The following SP110 variants were observed in gnomAD, a reference collection of about 807,000 sequenced individuals.
SP110 encodes the protein interferon-induced protein 41, 30kD.
SP110 carries 62 observed loss-of-function variants against 92.7 expected under a neutral mutation model. That is an observed-to-expected ratio of 0.67 (90% CI 0.55 to 0.83). The LOEUF (loss-of-function observed/expected upper bound fraction) is 0.83, where lower values mean the gene tolerates loss of function less well. Ranked by LOEUF, SP110 falls within the 40% of genes least tolerant of loss-of-function variation. The pLI, the probability that SP110 is intolerant of heterozygous loss-of-function variation, is 0.00. For synonymous variants in SP110, 273 were observed against 305.3 expected, an observed-to-expected ratio of 0.89 and a Z score of 1.10; for missense variants, 793 against 863.9, an observed-to-expected ratio of 0.92 and a Z score of 1.03.
upstream of SP110, among the ~76,000 whole-genome samples, chr2:230,224,477 G>C (rs147113293): frequency 2.8e-3 from 421 of 149,846 alleles, 1 homozygote; most frequent in Non-Finnish European, 3.6e-3. Context: ...GAGGGAGGGA[G>C]AGAGAGGGAG....
At position 230,212,399 on chromosome 2, in the gene SP110, A is replaced by G; in HGVS notation, c.615T>C (p.Asn205=). 1 of 1,612,922 alleles carries G rather than the reference A, an allele frequency of 6.2e-7. No homozygotes were observed. Among genetic ancestry groups the G allele is most frequent in the Non-Finnish European group, 8.5e-7 (1 of 1,178,846 alleles). The change falls in exon 5 of 19, where the codon AAT becomes AAC. Residue 205 remains asparagine, a synonymous_variant. Coordinates refer to ENST00000258381, the MANE Select transcript of SP110 (RefSeq NM_080424.4). Reference sequence around the variant, plus strand: ...GCATCTCTTCTGAGTCTTCTTCCGCATTCATTTTGGATGTTAACTTGTCAT... The same window carrying G: ...GCATCTCTTCTGAGTCTTCTTCCGCGTTCATTTTGGATGTTAACTTGTCAT... The part of the protein sequence containing the change: ...VTNDKLTSKM[N]AEEDSEEMPS...
upstream of SP110, among the ~76,000 whole-genome samples, chr2:230,224,051 T>A (rs952314816): frequency 6.6e-6 from 1 of 152,088 alleles, no homozygotes; most frequent in Non-Finnish European, 1.5e-5. Context: ...GTAGTGAGCA[T>A]AGGGAAAAAC....
chr2:230,215,483 AATGGTTCTAGTG>A (rs2045036234), intron 2 of SP110, among the ~76,000 whole-genome samples: 1 of 152,186 alleles, frequency 6.6e-6, no homozygotes, highest in African/African-American at 2.4e-5. Context: ...ATACTTCAGC[AATGGTTCTAGTG>A]ATGGTCACAG....
intron 10 of SP110, 112 bp from the exon 11 acceptor site, chr2:230,186,255 T>C: frequency 9.7e-7 from 1 of 1,030,242 alleles, no homozygotes; most frequent in Non-Finnish European, 1.5e-6. Flanking sequence ...TTTTCTTGTG[T>C]GTATCTTTCT....
intron 10 of SP110, among the ~76,000 whole-genome samples, chr2:230,186,590 T>C (rs752628361): frequency 5.3e-5 from 8 of 152,216 alleles, no homozygotes; most frequent in South Asian, 4.1e-4. Flanking sequence ...AATCTGAGAC[T>C]TTAGTGCACT....
At chr2:230,225,358 C>T (rs1270330812) in intron 1 of SP110, among the ~76,000 whole-genome samples, 1 of 152,184 alleles carries the variant, frequency 6.6e-6, no homozygotes, top group African/African-American at 2.4e-5. Context: ...TTCTCCCTGG[C>T]CCCATGTCCA....
chr2:230,185,887 C>G, intron 11 of SP110, 107 bp downstream of exon 11: 17 of 948,746 alleles, frequency 1.8e-5, no homozygotes, highest in Non-Finnish European at 2.8e-5. Context: ...TTCTGTACGT[C>G]TCCCTCCTTC....
intron 12 of SP110, 37 bp downstream of exon 12, chr2:230,183,535 G>C: frequency 1.4e-6 from 2 of 1,406,750 alleles, no homozygotes; most frequent in Non-Finnish European, 2.0e-6. Flanking sequence ...GGGCTCTGGG[G>C]AGCCCAGTGG....
At chr2:230,175,236 C>T (rs909579370) in intron 14 of SP110, among the ~76,000 whole-genome samples, 1 of 152,148 alleles carries the variant, frequency 6.6e-6, no homozygotes, top group Non-Finnish European at 1.5e-5. Context: ...CTTCCCCACA[C>T]GTCACAACTA....
At chr2:230,215,670 C>T (rs930530544) in intron 2 of SP110, among the ~76,000 whole-genome samples, 9 of 152,168 alleles carry the variant, frequency 5.9e-5, no homozygotes, top group Non-Finnish European at 1.2e-4. Context: ...GAACTGATTG[C>T]AAATAATTAT....
chr2:230,179,458 G>C (rs778259479), intron 12 of SP110, among the ~76,000 whole-genome samples: 1 of 146,024 alleles, frequency 6.8e-6, no homozygotes, highest in African/African-American at 2.5e-5. Flanking sequence ...CAGCAGATGA[G>C]AGCGTGGCCT....
In SP110 at chr2:230,211,461, C is replaced by A. The variant is rs201731985; in HGVS notation, c.751+9G>T. The A allele has an allele frequency of 6.0e-5, 94 of 1,565,924 alleles. No individual in the cohort carries two copies. Among genetic ancestry groups the A allele is most frequent in the Non-Finnish European group, 7.7e-5 (87 of 1,136,226 alleles). On this transcript the variant is annotated intron_variant, in intron 6 of 18. Transcript: ENST00000258381. The surrounding 1 kb of genome is among the most constrained non-coding windows in gnomAD (Gnocchi z 4.2). ...AGGCAAGCTTTTAGGTTGACCAAAC[C>A]AAGATTACCTGGCATAGAGCCCAAG...
chr2:230,170,394 T>G (rs1421778335), intron 18 of SP110, among the ~76,000 whole-genome samples: 1 of 152,066 alleles, frequency 6.6e-6, no homozygotes, highest in Non-Finnish European at 1.5e-5. Flanking sequence ...AGAGCATGGT[T>G]TTTTTCAGCT....
rs754539400 is a variant in SP110 at position 230,212,899 on chromosome 2, A to C, written c.445T>G (p.Cys149Gly). ...CTGACTCTTGGCGCACAGGGTGAAC[A>C]GCTTGGTTGAGGGGGTTGTGGTGGG... The part of the protein sequence containing the change: ...LPPPQPPQPS[C>G]SPCAPRVSEP... Residue 149 changes from cysteine (C) to glycine (G), a missense_variant, in exon 4 of 19, where the codon TGT becomes GGT. Physicochemically the swap from Cys to Gly is radical, Grantham distance 159. Coordinates refer to ENST00000258381, the MANE Select transcript of SP110 (RefSeq NM_080424.4). 2 of 1,613,956 alleles carry C rather than the reference A, an allele frequency of 1.2e-6. No homozygotes were observed. Among genetic ancestry groups the C allele is most frequent in the South Asian group, 2.2e-5 (2 of 91,066 alleles).
intron 14 of SP110, chr2:230,176,362 T>C (rs2041859836): frequency 2.2e-6 from 2 of 896,348 alleles, no homozygotes; most frequent in Non-Finnish European, 3.0e-6. Context: ...AAAAAATTTG[T>C]TAGAGATGGG....
In SP110 at chr2:230,196,699, C is replaced by G. The variant is rs565828417; in HGVS notation, c.1129+4186G>C. 6.0e-4 allele frequency among the ~76,000 whole-genome samples: 91 copies of G among 151,554 alleles called. 2 individuals carry two copies. The highest frequency in any genetic ancestry group is 1.1e-3 in the Non-Finnish European group (73 of 67,908). On this transcript the variant is annotated intron_variant, in intron 10 of 18. Transcript: ENST00000258381. ...TAATGCTATCCCTCCCTCCTCCCCG[C>G]ACCCCACAACAGTCCCCAGAGTGTG...
intron 1 of SP110, 90 bp downstream of exon 1, chr2:230,219,784 A>C: frequency 3.3e-6 from 1 of 307,316 alleles, no homozygotes; most frequent in Non-Finnish European, 4.8e-6. Context: ...TAAATAGTTG[A>C]ACTCCACCCT....
At chr2:230,177,719 T>C in intron 13 of SP110, 39 bp from the exon 14 acceptor site, 1 of 1,608,730 alleles carries the variant, frequency 6.2e-7, no homozygotes. Flanking sequence ...ACCCCCATCC[T>C]CTGTGAATTC....
rs200099412 is a variant in SP110 at position 230,172,959 on chromosome 2, G to A, written c.1591C>T (p.Arg531Trp). 1.4e-4 allele frequency: 230 copies of A among 1,607,160 alleles called. No individual in the cohort carries two copies. The highest frequency in any genetic ancestry group is 2.5e-4 in the South Asian group (23 of 90,932). Residue 531 changes from arginine to tryptophan, a missense_variant and splice_region_variant, in exon 15 of 19, where the codon CGG becomes TGG. Arg to Trp is a moderately radical substitution (Grantham distance 101, BLOSUM62 -3). Transcript: ENST00000258381. The stretch of plus-strand genomic sequence containing the variant: ...ACCTCGCATTCATCCGAGTTTTTCC[G>A]CTGCAAGGGCAGATAACGTGGGCAC... The part of the protein sequence containing the change: ...EGMTLGELLK[R>W]KNSDECEVCC...
Sources: allele counts gnomAD v4.1 joint callset (sites outside exome capture counted in the v4.1 genomes callset), GRCh38; gene constraint gnomAD v4.1.1; non-coding constraint Gnocchi (gnomAD v3.1); transcripts MANE v1.5; gene names NCBI Gene and HGNC (gene_info 2026-07-23, HGNC 2026-07-21).